Variants in NRP2 observed in about 807,000 individuals in gnomAD.
The protein encoded by NRP2 is neuropilin 2, also known as neuropilin-2.
A neutral mutation model predicts 110.4 loss-of-function variants in NRP2; 52 were observed. The ratio of observed to expected loss-of-function variants is 0.47; its 90% CI spans 0.38 to 0.59. NRP2 has a LOEUF of 0.59. Ranked by LOEUF, NRP2 falls within the 20% of genes least tolerant of loss-of-function variation. NRP2 has a pLI of 0.00. For synonymous variants in NRP2, 508 were observed against 468.9 expected (o/e 1.08, Z -1.08); for missense variants, 1,049 against 1,203.0 (o/e 0.87, Z 1.89).
At chr2:205,750,692 A>T (rs2057628113) in intron 11 of NRP2, among the ~76,000 whole-genome samples, 1 of 152,216 alleles carries the variant, frequency 6.6e-6, no homozygotes, top group African/African-American at 2.4e-5. Context: ...GACAGCCTCA[A>T]CTTACAGTAA....
intron 2 of NRP2, among the ~76,000 whole-genome samples, chr2:205,712,719 G>T (rs527402153): frequency 1.3e-5 from 2 of 152,126 alleles, no homozygotes; most frequent in African/African-American, 4.8e-5. Context: ...TATATAAAAG[G>T]CCCAGCCAGA....
chr2:205,699,855 G>A (rs2056514820), intron 2 of NRP2, among the ~76,000 whole-genome samples: 1 of 152,118 alleles, frequency 6.6e-6, no homozygotes, highest in Non-Finnish European at 1.5e-5. Flanking sequence ...AAATCTTTCT[G>A]GGGTCTGTTT....
chr2:205,792,069 A>T (rs1036936635), intron 15 of NRP2, among the ~76,000 whole-genome samples, 166 bp from the exon 16 acceptor site: 2 of 152,224 alleles, frequency 1.3e-5, no homozygotes, highest in African/African-American at 4.8e-5. Context: ...AGGTCATCTG[A>T]AGGAGAACAA....
intron 12 of NRP2, chr2:205,759,598 G>A (rs2105910761): frequency 6.6e-6 from 1 of 152,310 alleles, no homozygotes; most frequent in East Asian, 1.9e-4. Context: ...CTGTGGTGAT[G>A]GAAAACTTGG....
At chr2:205,776,235 C>G (rs2058094657) in intron 15 of NRP2, 1 of 1,611,304 alleles carries the variant, frequency 6.2e-7, no homozygotes, top group Non-Finnish European at 8.5e-7. Flanking sequence ...TCTTCTGTGT[C>G]TCTCCACCAG....
chr2:205,733,365 A>G (rs1331135276), intron 7 of NRP2, among the ~76,000 whole-genome samples: 1 of 152,208 alleles, frequency 6.6e-6, no homozygotes, highest in Non-Finnish European at 1.5e-5. Flanking sequence ...AGGAGCACAC[A>G]GAGGGGATGT....
chr2:205,784,900 C>T (rs1046522030), intron 15 of NRP2, among the ~76,000 whole-genome samples: 3 of 152,200 alleles, frequency 2.0e-5, no homozygotes, highest in African/African-American at 4.8e-5. Context: ...TGCATTTTTA[C>T]AGGGGACCAC....
At chr2:205,709,977 T>A (rs577342103) in intron 2 of NRP2, among the ~76,000 whole-genome samples, 1 of 152,356 alleles carries the variant, frequency 6.6e-6, no homozygotes, top group Middle Eastern at 3.4e-3. Context: ...AGTCTTGAAA[T>A]CATGGATTCC....
chr2:205,717,014 T>C (rs1449091203), intron 3 of NRP2, among the ~76,000 whole-genome samples: 14 of 152,236 alleles, frequency 9.2e-5, no homozygotes, highest in Admixed American at 9.2e-4. Context: ...TTAAGTTGAC[T>C]GCTTGATTTC....
intron 16 of NRP2, among the ~76,000 whole-genome samples, chr2:205,793,413 G>T (rs2058322588): frequency 6.6e-6 from 1 of 152,138 alleles, no homozygotes; most frequent in African/African-American, 2.4e-5. Context: ...TTCAAAAAAT[G>T]ATGCCCAGAT....
At chr2:205,722,172 TACACACACACACACA>T (rs2057031684) in intron 3 of NRP2, 8 of 280,288 alleles carry the variant, frequency 2.9e-5, no homozygotes, top group Non-Finnish European at 4.1e-5. Context: ...CTCTCTCTCA[TACACACACACACACA>T]CACACACACA....
Position 205,795,164 on chromosome 2 carries a change from C to A in NRP2, c.*106C>A. On this transcript the variant is annotated 3_prime_UTR_variant, in exon 17 of 17. Coordinates refer to ENST00000357785, the MANE Select transcript of NRP2 (RefSeq NM_003872.3). ...ACTGAATGCCATAATCTCGATCAAACCGATCCAGAATACCGAAGGTATGGA... is the reference window on the plus strand; with the variant it reads ...ACTGAATGCCATAATCTCGATCAAAACGATCCAGAATACCGAAGGTATGGA... 1 of 1,130,492 alleles carries A rather than the reference C, an allele frequency of 8.8e-7. No homozygotes were observed. 70.0% of individuals were successfully genotyped at this position (1,130,492 alleles called of 1,614,324 possible). A position where few individuals can be genotyped will look rare whatever the true frequency, so the allele number is the denominator to read the frequency against.
intron 15 of NRP2, among the ~76,000 whole-genome samples, chr2:205,790,676 A>G (rs572872931): frequency 1.3e-5 from 2 of 151,298 alleles, no homozygotes; most frequent in South Asian, 2.1e-4. Flanking sequence ...ATGGAAAAAA[A>G]CCCTGTGGGT....
At chr2:205,708,231 C>T (rs1318120091) in intron 2 of NRP2, among the ~76,000 whole-genome samples, 1 of 152,230 alleles carries the variant, frequency 6.6e-6, no homozygotes, top group African/African-American at 2.4e-5. Context: ...ATGCTGAAAG[C>T]AGCCTGCCCC....
At chr2:205,794,332 G>A (rs888825270) in intron 16 of NRP2, among the ~76,000 whole-genome samples, 2 of 151,988 alleles carry the variant, frequency 1.3e-5, no homozygotes, top group Non-Finnish European at 2.9e-5. Context: ...GGATGGTCTC[G>A]ATCTCTTGAC....
At chr2:205,722,145 CCTCTCTCTCT>C (rs140982811) in intron 3 of NRP2, 60 of 221,216 alleles carry the variant, frequency 2.7e-4, no homozygotes, top group Non-Finnish European at 4.1e-4. Context: ...CAAGAGAATC[CCTCTCTCTCT>C]CTCTCTCTCT....
intron 9 of NRP2, among the ~76,000 whole-genome samples, chr2:205,744,086 C>A (rs142061563): frequency 3.3e-5 from 5 of 152,206 alleles, no homozygotes; most frequent in Admixed American, 6.5e-5. Context: ...CAAAGTAGAT[C>A]TTTTTGTCAC....
In NRP2 at chr2:205,682,884, TG is replaced by T. The variant is rs879270891; in HGVS notation, c.-402del. The stretch of plus-strand genomic sequence containing the variant: ...ACGCCTCTGAGATCACACAGCTGCC[TG>T]GGGGCCGTGTGATGCCCAAGGCAAG... On this transcript the variant is annotated 5_prime_UTR_variant, in exon 1 of 17. Coordinates refer to ENST00000357785, the MANE Select transcript of NRP2 (RefSeq NM_003872.3). The surrounding 1 kb of genome is among the most constrained non-coding windows in gnomAD (Gnocchi z 4.3). 218 of 210,602 alleles carry T rather than the reference TG, an allele frequency of 1.0e-3. No homozygotes were observed. Among genetic ancestry groups the T allele is most frequent in the Admixed American group, 3.0e-3 (56 of 18,804 alleles). 13.0% of individuals were successfully genotyped at this position (210,602 alleles called of 1,614,324 possible). A position where few individuals can be genotyped will look rare whatever the true frequency, so the allele number is the denominator to read the frequency against.
chr2:205,722,696 G>A lies in NRP2; in HGVS notation c.652G>A (p.Gly218Ser). 1.2e-6 allele frequency: 2 copies of A among 1,613,964 alleles called. No homozygotes were observed. The highest frequency in any genetic ancestry group is 1.7e-6 in the Non-Finnish European group (2 of 1,179,812). The change falls in exon 4 of 17, where the codon GGC becomes AGC. Residue 218 changes from glycine (G) to serine (S), a missense_variant. Gly to Ser is a moderately conservative substitution (Grantham distance 56, BLOSUM62 0). Transcript: ENST00000357785. ...CKYDWLDIWD[G>S]IPHVGPLIGK... ...GTACGATTGGCTGGACATCTGGGAT[G>A]GCATTCCACATGGTGAGTGATGTCA...
Sources: gnomAD v4.1 joint callset for allele counts (sites outside exome capture counted in the v4.1 genomes callset) on GRCh38, gnomAD v4.1.1 for gene constraint, Gnocchi (gnomAD v3.1) non-coding constraint, MANE v1.5 for transcripts, NCBI Gene and HGNC (gene_info 2026-07-23, HGNC 2026-07-21) for gene names.